Variants in ZNF700 observed in about 807,000 individuals in gnomAD.
The protein encoded by ZNF700 is zinc finger protein 700.
A neutral mutation model predicts 65.3 loss-of-function variants in ZNF700; 38 were observed. That is an observed-to-expected ratio of 0.58 (90% CI 0.45 to 0.76). The LOEUF (loss-of-function observed/expected upper bound fraction) is 0.76. Among genes scored for constraint, ZNF700 ranks in the 30% least tolerant of loss-of-function variants. The pLI is 0.00. For synonymous variants in ZNF700, 285 were observed against 290.4 expected (o/e 0.98, Z 0.19); for missense variants, 857 against 888.4 (o/e 0.96, Z 0.45).
At position 11,950,200 on chromosome 19, in the gene ZNF700, C is replaced by T. The variant is rs1568299198; in HGVS notation, c.2176C>T (p.His726Tyr). 1.2e-6 allele frequency: 2 copies of T among 1,613,282 alleles called. No homozygotes were observed. Among genetic ancestry groups the T allele is most frequent in the Admixed American group, 1.7e-5 (1 of 59,738 alleles). ...TTCCTTGCATATACACGCAAGGACTCATATGGGAGAGAAGCCATATGAATG... is the reference window on the plus strand; with the variant it reads ...TTCCTTGCATATACACGCAAGGACTTATATGGGAGAGAAGCCATATGAATG... Reference protein sequence around the residue: ...FSSLHIHARTHMGEKPYECKD... With the variant: ...FSSLHIHARTYMGEKPYECKD... Residue 726 changes from histidine to tyrosine, a missense_variant, in exon 4 of 4, where the codon CAT (histidine) becomes TAT (tyrosine). Coordinates refer to ENST00000254321, the MANE Select transcript of ZNF700 (RefSeq NM_144566.3).
chr19:11,941,984 C>CG (rs398033935), intron 1 of ZNF700, among the ~76,000 whole-genome samples: 2 of 151,708 alleles, frequency 1.3e-5, no homozygotes, highest in African/African-American at 2.4e-5. Flanking sequence ...CTTATTACAC[C>CG]TGGTATCTCT....
intron 1 of ZNF700, among the ~76,000 whole-genome samples, chr19:11,930,999 CA>C (rs754558706): frequency 0.013 from 1,467 of 110,056 alleles, 168 homozygotes; most frequent in African/African-American, 0.046. Flanking sequence ...AATTCCGTCT[CA>C]AAAAAAAAAA....
intron 1 of ZNF700, among the ~76,000 whole-genome samples, chr19:11,944,783 G>T (rs778220752): frequency 2.2e-4 from 33 of 152,224 alleles, no homozygotes; most frequent in Non-Finnish European, 4.1e-4. Flanking sequence ...TTGTTGGCAG[G>T]TAATACATCG....
chr19:11,941,400 A>G (rs1972881328), intron 1 of ZNF700, among the ~76,000 whole-genome samples: 1 of 152,164 alleles, frequency 6.6e-6, no homozygotes, highest in Non-Finnish European at 1.5e-5. Flanking sequence ...AGGAGGTGGG[A>G]GACTCAGGCA....
intron 1 of ZNF700, among the ~76,000 whole-genome samples, chr19:11,932,307 A>G (rs141195790): frequency 0.022 from 3,311 of 147,158 alleles, 333 homozygotes; most frequent in African/African-American, 0.044. Context: ...TTGCACCACT[A>G]CACTCCAGCC....
chr19:11,937,470 G>A lies in ZNF700; in HGVS notation c.64-9711G>A, dbSNP rs114748664. Among the ~76,000 whole-genome samples, 826 of 150,372 alleles carry A rather than the reference G, an allele frequency of 5.5e-3. 7 individuals carry two copies. Among genetic ancestry groups the A allele is most frequent in the African/African-American group, 0.02 (807 of 40,948 alleles). ...ATTTTTAATACATGTCTTTATAGTAGATTTTTCTTTTTTTCTTTCCTTTTT... is the reference window on the plus strand; with the variant it reads ...ATTTTTAATACATGTCTTTATAGTAAATTTTTCTTTTTTTCTTTCCTTTTT... On this transcript the variant is annotated intron_variant, in intron 1 of 3. Transcript: ENST00000254321.
intron 1 of ZNF700, among the ~76,000 whole-genome samples, chr19:11,934,007 C>T (rs948654609): frequency 1.4e-5 from 2 of 147,516 alleles, no homozygotes; most frequent in Non-Finnish European, 2.9e-5. Context: ...AGTAACATTA[C>T]GTTGGATGGG....
intron 1 of ZNF700, among the ~76,000 whole-genome samples, chr19:11,943,416 A>G (rs985109376): frequency 1.1e-4 from 16 of 152,200 alleles, no homozygotes; most frequent in Non-Finnish European, 2.2e-4. Context: ...AAGCTCTGCC[A>G]GTTTTAGTAG....
chr19:11,942,521 T>C (rs994599504), intron 1 of ZNF700, among the ~76,000 whole-genome samples: 1 of 152,168 alleles, frequency 6.6e-6, no homozygotes, highest in Non-Finnish European at 1.5e-5. Flanking sequence ...GAAGTGGCTT[T>C]ATTCGGCCAG....
chr19:11,935,037 C>T (rs1343241520), intron 1 of ZNF700, among the ~76,000 whole-genome samples: 1 of 145,650 alleles, frequency 6.9e-6, no homozygotes, highest in Non-Finnish European at 1.5e-5. Context: ...ATTAGCCAGG[C>T]ATGGTGGCGG....
In ZNF700 at chr19:11,949,386, C is replaced by A; in HGVS notation, c.1362C>A (p.Ala454=). 1 of 1,613,674 alleles carries A rather than the reference C, an allele frequency of 6.2e-7. No individual in the cohort carries two copies. Among genetic ancestry groups the A allele is most frequent in the Non-Finnish European group, 8.5e-7 (1 of 1,179,876 alleles). ...ATGAATGTAAGGAATGTGGGAAAGC[C>A]TTCAGATCTACCTCACACCTTCGAG... ...KPYECKECGK[A]FRSTSHLRVH... The change falls in exon 4 of 4, where the codon GCC becomes GCA. Residue 454 remains alanine (A), a synonymous_variant. Transcript: ENST00000254321.
In ZNF700 at chr19:11,949,776, G is replaced by A. The variant is rs185285192; in HGVS notation, c.1752G>A (p.Arg584=). The A allele has an allele frequency of 1.1e-5, 18 of 1,613,148 alleles. No homozygotes were observed. The East Asian group carries it at 3.8e-4, about 34-fold the overall frequency. The change falls in exon 4 of 4, where the codon AGG becomes AGA. Residue 584 remains arginine (R), a synonymous_variant. Coordinates refer to ENST00000254321, the MANE Select transcript of ZNF700 (RefSeq NM_144566.3). ...CCTCACACCTTCGAATGCATGAAAGGACTCACACTGGAGAGAAACCCTATG... is the reference window on the plus strand; with the variant it reads ...CCTCACACCTTCGAATGCATGAAAGAACTCACACTGGAGAGAAACCCTATG... ...RSASHLRMHE[R]THTGEKPYEC...
At chr19:11,943,700 CCGAA>C (rs1440290855) in intron 1 of ZNF700, among the ~76,000 whole-genome samples, 1 of 152,130 alleles carries the variant, frequency 6.6e-6, no homozygotes, top group East Asian at 1.9e-4. Flanking sequence ...AACTAGAAAA[CCGAA>C]AGATTGTTTT....
At chr19:11,945,910 A>C (rs1442096933) in intron 1 of ZNF700, among the ~76,000 whole-genome samples, 4 of 152,112 alleles carry the variant, frequency 2.6e-5, no homozygotes, top group Non-Finnish European at 5.9e-5. Flanking sequence ...AGTGCAGGGC[A>C]AGCAGAAAGC....
At chr19:11,939,583 A>G (rs184346710) in intron 1 of ZNF700, among the ~76,000 whole-genome samples, 17 of 152,250 alleles carry the variant, frequency 1.1e-4, no homozygotes, top group African/African-American at 4.1e-4. Flanking sequence ...CCATTGGTCT[A>G]TATCTCTGTT....
intron 1 of ZNF700, among the ~76,000 whole-genome samples, chr19:11,936,399 ATC>A (rs1271508954): frequency 6.6e-6 from 1 of 152,270 alleles, no homozygotes; most frequent in East Asian, 1.9e-4. Context: ...GTGAGATGGT[ATC>A]TCATTGTGGT....
rs1182973195 is a variant in ZNF700 at position 11,925,123 on chromosome 19, G to T, written c.-88G>T. The stretch of plus-strand genomic sequence containing the variant: ...GGTCGCTTTCCTCACCTTCCTCGCT[G>T]CGCGGGCGGCGGTTGGTAACCGGTC... On this transcript the variant is annotated 5_prime_UTR_variant, in exon 1 of 4. Transcript: ENST00000254321. 2 of 1,523,362 alleles carry T rather than the reference G, an allele frequency of 1.3e-6. No homozygotes were observed. The highest frequency in any genetic ancestry group is 1.1e-5 in the South Asian group (1 of 88,464). 94.4% of individuals were successfully genotyped at this position (1,523,362 alleles called of 1,614,324 possible).
Position 11,949,014 on chromosome 19 carries a change from G to GAA in ZNF700, c.995_996dup (p.Pro333AsnfsTer16), listed in dbSNP as rs767690693. ...GTAGACATGAAAGGACCCACTCTGG[G>GAA]AAAAAACCGTATGAATGTAAGCAAT... On this transcript the variant is annotated frameshift_variant, in exon 4 of 4. Coordinates refer to ENST00000254321, the MANE Select transcript of ZNF700 (RefSeq NM_144566.3). LOFTEE classifies it high-confidence loss of function. 6.2e-7 allele frequency: 1 copy of GAA among 1,605,290 alleles called. No homozygotes were observed. Among genetic ancestry groups the GAA allele is most frequent in the Non-Finnish European group, 8.5e-7 (1 of 1,178,168 alleles).
chr19:11,940,377 C>T (rs1972862101), intron 1 of ZNF700, among the ~76,000 whole-genome samples: 1 of 152,056 alleles, frequency 6.6e-6, no homozygotes, highest in Non-Finnish European at 1.5e-5. Context: ...GAGTTTGTTC[C>T]TTCTGATGTT....
Sources: gnomAD v4.1 joint callset for allele counts (sites outside exome capture counted in the v4.1 genomes callset) on GRCh38, gnomAD v4.1.1 for gene constraint, MANE v1.5 for transcripts, NCBI Gene and HGNC (gene_info 2026-07-23, HGNC 2026-07-21) for gene names.